SPON1: variants seen among roughly 807,000 people sequenced by gnomAD.
SPON1 encodes the protein spondin-1.
In SPON1, 52 loss-of-function variants were observed where a neutral mutation model predicts 111.7. The observed-to-expected ratio is 0.47, with a 90% CI of 0.37 to 0.59. The LOEUF is 0.59. Ranked by LOEUF, SPON1 falls within the 20% of genes least tolerant of loss-of-function variation. The pLI, the probability that SPON1 is intolerant of heterozygous loss-of-function variation, is 0.00. For synonymous variants in SPON1, 410 were observed against 395.8 expected (o/e 1.04, Z -0.43); for missense variants, 957 against 1,068.5 (o/e 0.90, Z 1.46).
At chr11:14,237,571 C>G (rs1848881981) in intron 6 of SPON1, among the ~76,000 whole-genome samples, 1 of 152,368 alleles carries the variant, frequency 6.6e-6, no homozygotes, top group Non-Finnish European at 1.5e-5. Context: ...CTGCAGTGGA[C>G]AGCGTGATAG....
In SPON1 at chr11:13,962,725, C is replaced by T; in HGVS notation, c.-180C>T. ...GTTCGCTTGGCTCAGCTCAGCTCAG[C>T]TCAGCGCAGCTCCGCGGCCGCCAAG... On this transcript the variant is annotated 5_prime_UTR_variant, in exon 1 of 16. Coordinates refer to ENST00000576479, the MANE Select transcript of SPON1 (RefSeq NM_006108.4). 2 of 580,962 alleles carry T rather than the reference C, an allele frequency of 3.4e-6. No individual in the cohort carries two copies. The highest frequency in any genetic ancestry group is 2.9e-6 in the Non-Finnish European group (1 of 349,022). 36.0% of individuals were successfully genotyped at this position (580,962 alleles called of 1,614,324 possible).
chr11:14,176,532 A>AC (rs1366579138), intron 6 of SPON1, among the ~76,000 whole-genome samples: 3 of 151,952 alleles, frequency 2.0e-5, no homozygotes, highest in African/African-American at 7.3e-5. Flanking sequence ...GGCTACAGAC[A>AC]CCCCACCATA....
intron 3 of SPON1, among the ~76,000 whole-genome samples, chr11:14,060,773 G>C (rs1266939730): frequency 2.0e-5 from 3 of 152,182 alleles, no homozygotes; most frequent in Non-Finnish European, 4.4e-5. Flanking sequence ...GTAGATGCTA[G>C]TTATCACTGT....
At chr11:14,051,203 G>A (rs536503695) in intron 3 of SPON1, among the ~76,000 whole-genome samples, 1 of 152,298 alleles carries the variant, frequency 6.6e-6, no homozygotes, top group South Asian at 2.1e-4. Flanking sequence ...TAGATCAAGA[G>A]GGTGAAGCCC....
At chr11:13,974,799 A>T (rs1454202961) in intron 1 of SPON1, among the ~76,000 whole-genome samples, 4 of 152,140 alleles carry the variant, frequency 2.6e-5, no homozygotes, top group African/African-American at 9.7e-5. Context: ...CCCCAGGGTG[A>T]TATCCACACT....
Position 14,228,203 on chromosome 11 carries a change from G to T in SPON1, c.826-15129G>T, listed in dbSNP as rs1190141713. 6.6e-6 allele frequency among the ~76,000 whole-genome samples: 1 copy of T among 152,138 alleles called. No individual in the cohort carries two copies. Among genetic ancestry groups the T allele is most frequent in the Non-Finnish European group, 1.5e-5 (1 of 68,024 alleles). On this transcript the variant is annotated intron_variant, in intron 6 of 15. Transcript: ENST00000576479. The surrounding 1 kb of genome is among the most constrained non-coding windows in gnomAD (Gnocchi z 4.2). ...TGGTATGCATACACCAGGGCCCTTT[G>T]GGCTAACTCAGTTCTCCCACTGTTC... is the stretch of plus-strand genomic sequence containing the variant.
intron 6 of SPON1, among the ~76,000 whole-genome samples, chr11:14,181,946 T>C (rs1848238746): frequency 6.6e-6 from 1 of 152,184 alleles, no homozygotes; most frequent in African/African-American, 2.4e-5. Context: ...TACTTTTGAA[T>C]AGAAGGACAA....
intron 6 of SPON1, among the ~76,000 whole-genome samples, chr11:14,137,278 G>C (rs1049392034): frequency 5.9e-5 from 9 of 152,170 alleles, no homozygotes; most frequent in Admixed American, 2.6e-4. Context: ...GCCAGCCTCA[G>C]AATCCCTCTT....
rs1554942491 is a variant in SPON1 at position 14,266,315 on chromosome 11, C to G, written c.*628C>G. 6.6e-6 allele frequency: 1 copy of G among 151,946 alleles called. No homozygotes were observed. Among genetic ancestry groups the G allele is most frequent in the Non-Finnish European group, 1.5e-5 (1 of 68,014 alleles). The allele number at this position is 151,946 out of a possible 1,614,324, so 9.4% of individuals were successfully genotyped here. ...CCCCTGATATTGGTTCCTGATGCCCCCCCAACAAAAATAAATAAATAAATT... is the reference window on the plus strand; with the variant it reads ...CCCCTGATATTGGTTCCTGATGCCCGCCCAACAAAAATAAATAAATAAATT... On this transcript the variant is annotated 3_prime_UTR_variant, in exon 16 of 16. Transcript: ENST00000576479.
chr11:14,031,994 A>C (rs113903094), intron 2 of SPON1, among the ~76,000 whole-genome samples: 1 of 152,210 alleles, frequency 6.6e-6, no homozygotes, highest in African/African-American at 2.4e-5. Flanking sequence ...AAATTTAGCT[A>C]AGGGGGATCA....
intron 3 of SPON1, among the ~76,000 whole-genome samples, chr11:14,073,841 T>A (rs1848896254): frequency 6.6e-6 from 1 of 152,194 alleles, no homozygotes; most frequent in East Asian, 1.9e-4. Context: ...GACCCCCAAC[T>A]ATTTGTTGAA....
At chr11:14,218,374 G>A (rs552620055) in intron 6 of SPON1, among the ~76,000 whole-genome samples, 1 of 152,276 alleles carries the variant, frequency 6.6e-6, no homozygotes, top group East Asian at 1.9e-4. Flanking sequence ...AGCTCCTCCT[G>A]AATGCAGCTC....
intron 6 of SPON1, among the ~76,000 whole-genome samples, chr11:14,219,472 TA>T (rs1481177020): frequency 1.3e-5 from 2 of 152,188 alleles, no homozygotes; most frequent in Non-Finnish European, 2.9e-5. Context: ...TGATATGAGT[TA>T]AACCACATAC....
At chr11:14,056,706 G>A (rs782259773) in intron 3 of SPON1, among the ~76,000 whole-genome samples, 4 of 152,046 alleles carry the variant, frequency 2.6e-5, no homozygotes, top group Non-Finnish European at 4.4e-5. Flanking sequence ...TGGCAAACAC[G>A]GTGAAACCCC....
intron 5 of SPON1, among the ~76,000 whole-genome samples, chr11:14,093,241 C>T (rs1554923576): frequency 6.6e-6 from 1 of 152,230 alleles, no homozygotes; most frequent in Admixed American, 6.5e-5. Context: ...GGCTCAGAAG[C>T]AGTTGCTTCA....
intron 6 of SPON1, among the ~76,000 whole-genome samples, chr11:14,216,769 A>C (rs905698788): frequency 2.0e-5 from 3 of 151,920 alleles, no homozygotes; most frequent in Non-Finnish European, 4.4e-5. Flanking sequence ...ATTGGACCCC[A>C]CCTCCCAACA....
At chr11:14,049,275 T>C (rs1426415362) in intron 3 of SPON1, among the ~76,000 whole-genome samples, 1 of 152,196 alleles carries the variant, frequency 6.6e-6, no homozygotes, top group Non-Finnish European at 1.5e-5. Context: ...TGGCTCTTTT[T>C]TTATCACTGC....
At chr11:14,010,491 TG>T (rs1848395653) in intron 2 of SPON1, among the ~76,000 whole-genome samples, 1 of 151,926 alleles carries the variant, frequency 6.6e-6, no homozygotes, top group African/African-American at 2.4e-5. Context: ...AAGGACAGAC[TG>T]GGGGTAAAAT....
At chr11:14,137,792 T>C (rs572572373) in intron 6 of SPON1, among the ~76,000 whole-genome samples, 77 of 152,306 alleles carry the variant, frequency 5.1e-4, no homozygotes, top group African/African-American at 1.8e-3. Context: ...ATAATTTCCC[T>C]GTCCCACACA....
Sources: gnomAD v4.1 joint callset for allele counts (sites outside exome capture counted in the v4.1 genomes callset) on GRCh38, gnomAD v4.1.1 for gene constraint, Gnocchi (gnomAD v3.1) non-coding constraint, MANE v1.5 for transcripts, NCBI Gene and HGNC (gene_info 2026-07-23, HGNC 2026-07-21) for gene names.